Variants in SGCZ observed in about 807,000 individuals in gnomAD.
The protein encoded by SGCZ is zeta-sarcoglycan.
Under a neutral mutation model 41.3 loss-of-function variants are expected in SGCZ, and 40 were observed. The observed-to-expected ratio is 0.97, with a 90% CI of 0.75 to 1.26. The LOEUF is 1.26. Among genes scored for constraint, SGCZ ranks in the 50% most tolerant of loss-of-function variants. The pLI, the probability that SGCZ is intolerant of heterozygous loss-of-function variation, is 0.00. For missense variants in SGCZ, 552 were observed against 369.8 expected, an observed-to-expected ratio of 1.49 and a Z score of -4.04; for synonymous variants, 206 against 137.5, an observed-to-expected ratio of 1.50 and a Z score of -3.49.
chr8:14,091,434 C>A (rs1399513701), intron 7 of SGCZ, among the ~76,000 whole-genome samples: 1 of 152,028 alleles, frequency 6.6e-6, no homozygotes, highest in African/African-American at 2.4e-5. Flanking sequence ...AATGGTTTAA[C>A]CAATTTACAC....
intron 2 of SGCZ, among the ~76,000 whole-genome samples, chr8:14,423,089 A>T (rs963792948): frequency 6.6e-5 from 10 of 151,990 alleles, no homozygotes; most frequent in Admixed American, 1.3e-4. Flanking sequence ...ATGAGTGTTC[A>T]TAGGTAAACC....
intron 1 of SGCZ, among the ~76,000 whole-genome samples, chr8:14,656,004 CT>C (rs1251714996): frequency 2.6e-5 from 4 of 152,130 alleles, no homozygotes; most frequent in Non-Finnish European, 5.9e-5. Context: ...CTACTCACCC[CT>C]TGAAGCACAT....
At chr8:15,157,695 A>C (rs1339787449) in intron 1 of SGCZ, among the ~76,000 whole-genome samples, 1 of 152,104 alleles carries the variant, frequency 6.6e-6, no homozygotes, top group Non-Finnish European at 1.5e-5. Context: ...GGACATGCAG[A>C]CACAGACACA....
chr8:15,104,304 A>AT (rs1806732537), intron 1 of SGCZ, among the ~76,000 whole-genome samples: 2 of 152,186 alleles, frequency 1.3e-5, no homozygotes, highest in African/African-American at 4.8e-5. Context: ...TGAGGGTGGA[A>AT]TTTTGTGCCT....
At chr8:15,177,312 A>G (rs1159626627) in intron 1 of SGCZ, among the ~76,000 whole-genome samples, 1 of 152,204 alleles carries the variant, frequency 6.6e-6, no homozygotes, top group African/African-American at 2.4e-5. Flanking sequence ...CGTCCCACCT[A>G]CAGCAGCTGA....
At chr8:14,907,677 AAAAAT>A (rs1335361495) in intron 1 of SGCZ, among the ~76,000 whole-genome samples, 5 of 152,266 alleles carry the variant, frequency 3.3e-5, no homozygotes, top group Admixed American at 1.3e-4. Context: ...CCCTGACTCA[AAAAAT>A]AAAATAAAGA....
At chr8:14,562,402 C>T (rs1298967352) in intron 1 of SGCZ, among the ~76,000 whole-genome samples, 3 of 151,908 alleles carry the variant, frequency 2.0e-5, no homozygotes, top group African/African-American at 7.3e-5. Flanking sequence ...TAAATAACAA[C>T]ATTATCAAGT....
intron 1 of SGCZ, among the ~76,000 whole-genome samples, chr8:15,037,715 G>GCATGC (rs1263006706): frequency 1.3e-5 from 2 of 152,102 alleles, no homozygotes; most frequent in African/African-American, 4.8e-5. Context: ...ATAATCATAT[G>GCATGC]CATGCAGAAA....
chr8:14,610,055 G>C (rs1434657016), intron 1 of SGCZ, among the ~76,000 whole-genome samples: 1 of 152,106 alleles, frequency 6.6e-6, no homozygotes, highest in Non-Finnish European at 1.5e-5. Flanking sequence ...TATTAATTGG[G>C]GGTTTAAAAA....
intron 4 of SGCZ, among the ~76,000 whole-genome samples, chr8:14,236,602 C>G (rs975757454): frequency 6.6e-6 from 1 of 151,034 alleles, no homozygotes; most frequent in African/African-American, 2.4e-5. Flanking sequence ...AATAAGAATA[C>G]CTCAGTCCTC....
At chr8:14,848,112 T>C (rs932625893) in intron 1 of SGCZ, among the ~76,000 whole-genome samples, 1 of 152,054 alleles carries the variant, frequency 6.6e-6, no homozygotes, top group African/African-American at 2.4e-5. Context: ...TTTAAAAATA[T>C]TATATACAGT....
intron 4 of SGCZ, among the ~76,000 whole-genome samples, chr8:14,216,998 T>G (rs1355683415): frequency 6.6e-6 from 1 of 152,058 alleles, no homozygotes; most frequent in African/African-American, 2.4e-5. Context: ...TGTATAAAGC[T>G]CTATAGAGGA....
intron 2 of SGCZ, among the ~76,000 whole-genome samples, chr8:14,429,242 G>A (rs1215213830): frequency 6.6e-6 from 1 of 152,202 alleles, no homozygotes; most frequent in Non-Finnish European, 1.5e-5. Flanking sequence ...CATAGGTTCT[G>A]TTAAAAGGAA....
At chr8:14,197,653 A>T (rs1299490847) in intron 4 of SGCZ, among the ~76,000 whole-genome samples, 1 of 152,194 alleles carries the variant, frequency 6.6e-6, no homozygotes, top group South Asian at 2.1e-4. Flanking sequence ...AATGAAAAGA[A>T]ATTTCCTCTA....
intron 1 of SGCZ, among the ~76,000 whole-genome samples, chr8:15,170,521 C>A (rs764704964): frequency 3.9e-5 from 6 of 152,154 alleles, no homozygotes; most frequent in Non-Finnish European, 7.4e-5. Context: ...TTCTCAGTGC[C>A]CCAACTCTAA....
chr8:14,404,840 T>A (rs907431278), intron 2 of SGCZ, among the ~76,000 whole-genome samples: 2 of 152,200 alleles, frequency 1.3e-5, no homozygotes, highest in Non-Finnish European at 1.5e-5. Context: ...TCCAGTTAGT[T>A]CTGGCCAATA....
At chr8:14,677,973 A>C (rs1282729450) in intron 1 of SGCZ, among the ~76,000 whole-genome samples, 1 of 152,178 alleles carries the variant, frequency 6.6e-6, no homozygotes, top group East Asian at 1.9e-4. Flanking sequence ...GCAATATAAC[A>C]GCAAAGTGCC....
intron 1 of SGCZ, among the ~76,000 whole-genome samples, chr8:14,576,121 T>G (rs1804704099): frequency 6.6e-6 from 1 of 152,170 alleles, no homozygotes; most frequent in Non-Finnish European, 1.5e-5. Context: ...GGACAGTAAT[T>G]GATCTCTGTT....
intron 1 of SGCZ, among the ~76,000 whole-genome samples, chr8:14,787,736 C>T (rs1236969105): frequency 6.6e-6 from 1 of 152,028 alleles, no homozygotes; most frequent in Admixed American, 6.5e-5. Context: ...ATCCCAGCTA[C>T]TTGGGAGACA....
Sources: allele counts gnomAD v4.1 joint callset (sites outside exome capture counted in the v4.1 genomes callset), GRCh38; gene constraint gnomAD v4.1.1; transcripts MANE v1.5; gene names NCBI Gene and HGNC (gene_info 2026-07-23, HGNC 2026-07-21).